Variants in DENND2B observed in about 807,000 individuals in gnomAD.
DENND2B encodes the protein DENN domain-containing protein 2B.
In DENND2B, 32 loss-of-function variants were observed where a neutral mutation model predicts 116.0. The ratio of observed to expected loss-of-function variants is 0.28; its 90% CI spans 0.21 to 0.37. The LOEUF (loss-of-function observed/expected upper bound fraction) is 0.37, where lower values mean the gene tolerates loss of function less well. Ranked by LOEUF, DENND2B falls within the 10% of genes least tolerant of loss-of-function variation. The probability of loss-of-function intolerance (pLI) is 1.00; values close to 1 mark genes in which losing one functional copy is unlikely to be tolerated. For synonymous variants in DENND2B, 588 were observed against 583.9 expected, an observed-to-expected ratio of 1.01 and a Z score of -0.10; for missense variants, 1,276 against 1,477.7, an observed-to-expected ratio of 0.86 and a Z score of 2.24.
intron 2 of DENND2B, among the ~76,000 whole-genome samples, chr11:8,868,761 G>A (rs1341166563): frequency 6.6e-6 from 1 of 152,154 alleles, no homozygotes; most frequent in Non-Finnish European, 1.5e-5. Context: ...TCTCTTGAAA[G>A]CTTTCCCCAG....
chr11:8,811,832 C>T (rs1428418044), upstream of DENND2B, among the ~76,000 whole-genome samples: 1 of 152,204 alleles, frequency 6.6e-6, no homozygotes, highest in African/African-American at 2.4e-5. Context: ...CTCCTGGGCT[C>T]AAACAACCCT....
chr11:8,829,353 C>T (rs549080296), intron 4 of DENND2B, among the ~76,000 whole-genome samples: 9 of 152,144 alleles, frequency 5.9e-5, no homozygotes, highest in African/African-American at 9.6e-5. Context: ...AGTCAGCTTC[C>T]GTGGTCAGCA....
At chr11:8,904,035 A>T (rs933143215) in intron 1 of DENND2B, among the ~76,000 whole-genome samples, 1 of 152,134 alleles carries the variant, frequency 6.6e-6, no homozygotes, top group Non-Finnish European at 1.5e-5. Context: ...GAATAATACC[A>T]ATTCTACACA....
intron 3 of DENND2B, among the ~76,000 whole-genome samples, chr11:8,843,558 G>A (rs2062701184): frequency 6.6e-6 from 1 of 152,142 alleles, no homozygotes; most frequent in Non-Finnish European, 1.5e-5. Flanking sequence ...CCCCTTCAGG[G>A]GTCATTCTTG....
At chr11:8,797,520 T>C (rs1340240399) in intron 1 of DENND2B, among the ~76,000 whole-genome samples, 2 of 138,038 alleles carry the variant, frequency 1.4e-5, no homozygotes, top group Non-Finnish European at 3.1e-5. Context: ...ACTTCCCTCT[T>C]CCCCCTTCCC....
At chr11:8,856,284 C>T (rs1301772676) in intron 3 of DENND2B, among the ~76,000 whole-genome samples, 3 of 152,190 alleles carry the variant, frequency 2.0e-5, no homozygotes, top group Non-Finnish European at 2.9e-5. Flanking sequence ...TTTTTTCTTG[C>T]ATCCAAAACT....
In DENND2B at chr11:8,830,912, CAT is replaced by C. The variant is rs1439598532; in HGVS notation, c.-115+8396_-115+8397del. ...GGAAGATAAAAGGAAGAAAGAGACA[CAT>C]AAGAAAGAAAAGCCAAGACCAGTAG... is the stretch of plus-strand genomic sequence containing the variant. On this transcript the variant is annotated intron_variant, in intron 4 of 6. Transcript: ENST00000524757. 5.9e-5 allele frequency: 9 copies of C among 152,396 alleles called. No homozygotes were observed. The East Asian group carries it at 1.7e-3, about 29-fold the overall frequency. 9.4% of individuals were successfully genotyped at this position (152,396 alleles called of 1,614,324 possible). A position where few individuals can be genotyped will look rare whatever the true frequency, so the allele number is the denominator to read the frequency against.
chr11:8,902,325 CAA>C (rs71059192), intron 1 of DENND2B, among the ~76,000 whole-genome samples: 3,626 of 127,942 alleles, frequency 0.028, 49 homozygotes, highest in Non-Finnish European at 0.038. Flanking sequence ...GACTCCATCT[CAA>C]AAAAAAAAAA....
chr11:8,717,711 C>T (rs1210032347), intron 5 of DENND2B, 30 bp downstream of exon 5: 1 of 1,512,326 alleles, frequency 6.6e-7, no homozygotes, highest in Non-Finnish European at 8.9e-7. Flanking sequence ...CTCACGCTAA[C>T]CCTACAGGCC....
At chr11:8,777,469 T>G (rs1234212129) in intron 1 of DENND2B, among the ~76,000 whole-genome samples, 1 of 152,206 alleles carries the variant, frequency 6.6e-6, no homozygotes. Flanking sequence ...TATTACTGAC[T>G]TGGTATTCAT....
chr11:8,731,082 G>A lies in DENND2B; in HGVS notation c.208C>T (p.Arg70Trp), dbSNP rs1271135212. Residue 70 changes from arginine to tryptophan, a missense_variant, in exon 3 of 20, where the codon CGG becomes TGG. By Grantham distance (101) the Arg-to-Trp change is moderately radical (BLOSUM62 -3). Around this residue, in one of 2 missense-constraint regions of DENND2B, gnomAD observed 856 missense variants for 846.6 expected, o/e 1.01. Coordinates refer to ENST00000313726, the MANE Select transcript of DENND2B (RefSeq NM_213618.2). ...TGGGGTGAAGGAGCTGGGGGGTGCC[G>A]GTCCTTGAGGAGCACCCGGGAGCTG... Reference protein sequence around the residue: ...HSSSRVLLKDRHPPAPSPQNP... With the variant: ...HSSSRVLLKDWHPPAPSPQNP... 2.5e-6 allele frequency: 4 copies of A among 1,612,038 alleles called. No individual in the cohort carries two copies. The highest frequency in any genetic ancestry group is 1.3e-5 in the African/African-American group (1 of 74,990).
intron 2 of DENND2B, among the ~76,000 whole-genome samples, chr11:8,734,281 A>G (rs530743777): frequency 1.3e-5 from 2 of 152,060 alleles, no homozygotes; most frequent in South Asian, 4.2e-4. Flanking sequence ...TATTGAGCCA[A>G]TGAGACCATG....
intron 1 of DENND2B, among the ~76,000 whole-genome samples, chr11:8,783,055 T>TC (rs1260620206): frequency 2.0e-5 from 3 of 148,246 alleles, no homozygotes; most frequent in Non-Finnish European, 4.5e-5. Flanking sequence ...CCTTTTTTTT[T>TC]TTTTTTTTTT....
At chr11:8,858,737 T>C (rs144085906) in intron 2 of DENND2B, among the ~76,000 whole-genome samples, 2 of 152,348 alleles carry the variant, frequency 1.3e-5, no homozygotes, top group African/African-American at 4.8e-5. Context: ...AGGATGGCTA[T>C]TCTGAACCAG....
At chr11:8,710,784 C>T in intron 11 of DENND2B, 61 bp downstream of exon 11, 2 of 1,476,110 alleles carry the variant, frequency 1.4e-6, no homozygotes, top group South Asian at 2.3e-5. Flanking sequence ...CACACACACA[C>T]ACACACACAC....
chr11:8,783,388 A>T (rs2058591420), intron 1 of DENND2B, among the ~76,000 whole-genome samples: 1 of 152,226 alleles, frequency 6.6e-6, no homozygotes, highest in African/African-American at 2.4e-5. Flanking sequence ...ATACAATGTA[A>T]TTCTATGCAG....
At chr11:8,785,504 A>G (rs2058818905) in intron 1 of DENND2B, 1 of 152,258 alleles carries the variant, frequency 6.6e-6, no homozygotes, top group African/African-American at 2.4e-5. Context: ...CTTCAGGAAG[A>G]ATCACTCCCT....
rs776434751 is a variant in DENND2B at position 8,694,130 on chromosome 11, C to A, written c.3380G>T (p.Gly1127Val). The A allele has an allele frequency of 6.2e-7, 1 of 1,614,108 alleles. No homozygotes were observed. Among genetic ancestry groups the A allele is most frequent in the Non-Finnish European group, 8.5e-7 (1 of 1,180,008 alleles). Residue 1127 changes from glycine (G) to valine (V), a missense_variant and splice_region_variant, in exon 20 of 20, where the codon GGC becomes GTC. By Grantham distance (109) the Gly-to-Val change is moderately radical (BLOSUM62 -3). This residue lies in a region of DENND2B where 420 missense variants were observed against 631.1 expected (regional missense o/e 0.67). Coordinates refer to ENST00000313726, the MANE Select transcript of DENND2B (RefSeq NM_213618.2). ...SGMNKFLRGLGNKMKFLHKKN is the reference protein window; with the variant it reads ...SGMNKFLRGLVNKMKFLHKKN ...CTTGTGGAGAAACTTCATTTTGTTGCCTGTGGGCCAGAGAGGACAAGAGAG... is the reference window on the plus strand; with the variant it reads ...CTTGTGGAGAAACTTCATTTTGTTGACTGTGGGCCAGAGAGGACAAGAGAG...
At chr11:8,718,988 A>G (rs913773507) in intron 4 of DENND2B, 11 of 986,202 alleles carry the variant, frequency 1.1e-5, no homozygotes, top group Non-Finnish European at 1.3e-5. Flanking sequence ...CCCTTTCCCT[A>G]TTTTCCTGCT....
Sources: gnomAD v4.1 joint callset for allele counts (sites outside exome capture counted in the v4.1 genomes callset) on GRCh38, gnomAD v4.1.1 for gene constraint, gnomAD v4.1.1 regional missense constraint, MANE v1.5 for transcripts, NCBI Gene and HGNC (gene_info 2026-07-23, HGNC 2026-07-21) for gene names.